Variants in OPN5 observed in about 807,000 individuals in gnomAD.
The protein encoded by OPN5 is opsin-5.
A neutral mutation model predicts 41.7 loss-of-function variants in OPN5; 18 were observed. That is an observed-to-expected ratio of 0.43 (90% CI 0.30 to 0.64). The LOEUF (loss-of-function observed/expected upper bound fraction) is 0.64. OPN5 is among the 30% of genes least tolerant of loss of function. OPN5 has a pLI of 0.13. For missense variants in OPN5, 318 were observed against 434.5 expected, an observed-to-expected ratio of 0.73 and a Z score of 2.38; for synonymous variants, 178 against 164.3, an observed-to-expected ratio of 1.08 and a Z score of -0.64.
intron 2 of OPN5, 81 bp downstream of exon 2, chr6:47,786,715 C>G (rs918092462): frequency 7.5e-6 from 9 of 1,207,832 alleles, no homozygotes; most frequent in Non-Finnish European, 1.1e-5. Context: ...AACGTCACCC[C>G]CTGACATCTC....
chr6:47,799,174 A>G (rs1198819929), intron 4 of OPN5, among the ~76,000 whole-genome samples: 1 of 150,418 alleles, frequency 6.6e-6, no homozygotes, highest in Non-Finnish European at 1.5e-5. Flanking sequence ...GAAATTTCAC[A>G]GGCTATAAAC....
At position 47,792,002 on chromosome 6, in the gene OPN5, A is replaced by T. The variant is rs371415727; in HGVS notation, c.421+30A>T. 209 of 1,544,686 alleles carry T rather than the reference A, an allele frequency of 1.4e-4. 1 individual carries two copies. Among genetic ancestry groups the T allele is most frequent in the Non-Finnish European group, 1.8e-4 (205 of 1,119,086 alleles). On this transcript the variant is annotated intron_variant, in intron 3 of 6. Coordinates refer to ENST00000371211, the Ensembl canonical transcript of OPN5. ...GTTGGCAGGTTTCTCATTCCCTGAC[A>T]GTTAAAGCTAGGTGGATTGAGTGTT... is the stretch of plus-strand genomic sequence containing the variant.
chr6:47,791,535 A>G (rs1198104424), intron 2 of OPN5, among the ~76,000 whole-genome samples: 1 of 152,216 alleles, frequency 6.6e-6, no homozygotes, highest in Non-Finnish European at 1.5e-5. Flanking sequence ...TTCAAAAGTA[A>G]TAATTACTTT....
At chr6:47,786,599 C>T (rs757212050) in exon 2 of OPN5, 5 of 1,612,746 alleles carry the variant, frequency 3.1e-6, no homozygotes, top group Non-Finnish European at 4.2e-6. Flanking sequence ...GAAATAATGA[C>T]TATCAATTTA....
At chr6:47,826,000 T>C (rs1581772008), downstream of OPN5, 1 of 152,208 alleles carries the variant, frequency 6.6e-6, no homozygotes, top group African/African-American at 2.4e-5. Context: ...TGTATTAAGA[T>C]ACAGCATGTA....
chr6:47,820,125 C>T (rs1762572046), intron 6 of OPN5, among the ~76,000 whole-genome samples: 1 of 115,980 alleles, frequency 8.6e-6, no homozygotes, highest in South Asian at 3.2e-4. Flanking sequence ...GCTGCTTCTC[C>T]TTTTGAATAG....
At chr6:47,803,183 G>T (rs554105991) in intron 4 of OPN5, among the ~76,000 whole-genome samples, 7 of 152,058 alleles carry the variant, frequency 4.6e-5, no homozygotes, top group Non-Finnish European at 2.9e-5. Flanking sequence ...TTCTTAAAAG[G>T]TAATGTGAAA....
chr6:47,782,205 CCTTAATTCTT>C lies in OPN5; in HGVS notation c.130+12_130+21del. 6.2e-7 allele frequency: 1 copy of C among 1,612,206 alleles called. No individual in the cohort carries two copies. Among genetic ancestry groups the C allele is most frequent in the Non-Finnish European group, 8.5e-7 (1 of 1,179,292 alleles). ...TTACCTAACAATAATTGGTAAGCTTCCTTAATTCTTCTGTGCAAAGGCTGCATTTAGAAAA... is the reference window on the plus strand; with the variant it reads ...TTACCTAACAATAATTGGTAAGCTTCCTGTGCAAAGGCTGCATTTAGAAAA... On this transcript the variant is annotated intron_variant, in intron 1 of 6. Transcript: ENST00000371211.
intron 5 of OPN5, among the ~76,000 whole-genome samples, chr6:47,809,182 A>G (rs918631452): frequency 2.6e-5 from 4 of 152,190 alleles, no homozygotes; most frequent in African/African-American, 9.7e-5. Flanking sequence ...TATTAGCAGT[A>G]AAAAGTGGAA....
chr6:47,809,358 G>T (rs1016802979), intron 5 of OPN5, among the ~76,000 whole-genome samples: 1 of 152,128 alleles, frequency 6.6e-6, no homozygotes, highest in African/African-American at 2.4e-5. Context: ...GAGAAGATGT[G>T]GGTTTTGTCT....
At chr6:47,792,808 C>T (rs1358861767) in intron 3 of OPN5, among the ~76,000 whole-genome samples, 1 of 152,046 alleles carries the variant, frequency 6.6e-6, no homozygotes, top group African/African-American at 2.4e-5. Context: ...ACTGTGGTGT[C>T]AGAGCAGGGC....
At chr6:47,806,851 G>A (rs1046272933) in intron 4 of OPN5, among the ~76,000 whole-genome samples, 1 of 152,064 alleles carries the variant, frequency 6.6e-6, no homozygotes, top group Non-Finnish European at 1.5e-5. Flanking sequence ...CAAGGTGCAC[G>A]TCCTCTTTGT....
At chr6:47,810,735 G>C (rs1446573319) in intron 5 of OPN5, among the ~76,000 whole-genome samples, 3 of 152,138 alleles carry the variant, frequency 2.0e-5, no homozygotes, top group Non-Finnish European at 4.4e-5. Context: ...CTGAGATTTT[G>C]GTAGAAGTTG....
At chr6:47,819,164 G>A (rs1472864740) in intron 6 of OPN5, among the ~76,000 whole-genome samples, 2 of 151,030 alleles carry the variant, frequency 1.3e-5, no homozygotes, top group Non-Finnish European at 3.0e-5. Context: ...TTAGCTCCTG[G>A]AGCAAATATC....
rs533001445 is a variant in OPN5, at chr6:47,799,211, T to C, written c.756+3648T>C. ...GAGGTGTGATGTATATATATATATA[T>C]ATATATACACACACACACACATGAT... is the stretch of plus-strand genomic sequence containing the variant. On this transcript the variant is annotated intron_variant, in intron 4 of 6. Coordinates refer to ENST00000371211, the Ensembl canonical transcript of OPN5. Among the ~76,000 whole-genome samples the C allele has an allele frequency of 5.7e-4, 84 of 146,470 alleles. 1 individual carries two copies. In the South Asian group the frequency reaches 0.017, roughly 30 times the overall value.
intron 6 of OPN5, among the ~76,000 whole-genome samples, chr6:47,812,703 C>G (rs1762288659): frequency 6.6e-6 from 1 of 152,142 alleles, no homozygotes; most frequent in Non-Finnish European, 1.5e-5. Context: ...CATTGCAGTT[C>G]TTTTAATTCA....
chr6:47,784,461 T>C (rs576918225), intron 1 of OPN5, among the ~76,000 whole-genome samples: 1 of 152,260 alleles, frequency 6.6e-6, no homozygotes, highest in South Asian at 2.1e-4. Context: ...CATGCTTGGC[T>C]AATTTTTGTG....
intron 1 of OPN5, among the ~76,000 whole-genome samples, chr6:47,782,535 T>A (rs549081960): frequency 6.6e-6 from 1 of 152,322 alleles, no homozygotes; most frequent in East Asian, 1.9e-4. Context: ...GAGTGCTTTT[T>A]AAATAATGTT....
exon 7 of OPN5, chr6:47,824,595 G>A (rs989162438): frequency 2.0e-5 from 3 of 152,502 alleles, no homozygotes; most frequent in African/African-American, 7.2e-5. Context: ...TGAGGAGAGT[G>A]TGGGCTTTCT....
Sources: allele counts gnomAD v4.1 joint callset (sites outside exome capture counted in the v4.1 genomes callset), GRCh38; gene constraint gnomAD v4.1.1; transcripts MANE v1.5; gene names NCBI Gene and HGNC (gene_info 2026-07-23, HGNC 2026-07-21).